Variants in ASIC2 observed in about 807,000 individuals in gnomAD.
The protein encoded by ASIC2 is acid-sensing ion channel 2.
In ASIC2, 25 loss-of-function variants were observed where a neutral mutation model predicts 57.3. The observed-to-expected ratio is 0.44, with a 90% CI of 0.32 to 0.61. The LOEUF (loss-of-function observed/expected upper bound fraction) is 0.61, where lower values mean the gene tolerates loss of function less well. ASIC2 is among the 20% of genes least tolerant of loss of function. The pLI, the probability that ASIC2 is intolerant of heterozygous loss-of-function variation, is 0.06. For missense variants in ASIC2, 641 were observed against 738.1 expected, an observed-to-expected ratio of 0.87 and a Z score of 1.52; for synonymous variants, 319 against 307.5, an observed-to-expected ratio of 1.04 and a Z score of -0.39.
rs146744566 is a variant in ASIC2 at position 34,049,362 on chromosome 17, G to C, written c.555+106616C>G. Among the ~76,000 whole-genome samples the C allele has an allele frequency of 7.3e-3, 1,109 of 152,244 alleles. 14 individuals are homozygous for C. Among genetic ancestry groups the C allele is most frequent in the African/African-American group, 0.025 (1,040 of 41,544 alleles). On this transcript the variant is annotated intron_variant, in intron 1 of 9. Coordinates refer to the ASIC2 transcript ENST00000359872. ...GTCCTGGAAGGGGAAACTCCAGGAT[G>C]GTAGAAGAGCCCTCCTGAGTTGAAC...
upstream of ASIC2, among the ~76,000 whole-genome samples, chr17:33,298,204 G>A (rs1905800980): frequency 6.6e-6 from 1 of 152,026 alleles, no homozygotes; most frequent in African/African-American, 2.4e-5. Flanking sequence ...CCATGTTGGT[G>A]TGCTGCACCC....
At chr17:33,865,748 T>TA (rs763976115) in intron 1 of ASIC2, among the ~76,000 whole-genome samples, 8 of 52,380 alleles carry the variant, frequency 1.5e-4, no homozygotes, top group South Asian at 5.4e-4. Context: ...TAGAGTATAA[T>TA]AAAAAAAAAA....
intron 1 of ASIC2, among the ~76,000 whole-genome samples, chr17:33,906,994 G>A (rs1226461059): frequency 2.0e-5 from 3 of 152,084 alleles, no homozygotes; most frequent in Non-Finnish European, 2.9e-5. Context: ...GCTGAAAGAT[G>A]CTCTTTTGGG....
At chr17:33,354,121 A>C (rs1908288589) in intron 1 of ASIC2, among the ~76,000 whole-genome samples, 1 of 152,184 alleles carries the variant, frequency 6.6e-6, no homozygotes, top group African/African-American at 2.4e-5. Flanking sequence ...TATCATGAGA[A>C]CATCATGGAA....
At chr17:33,257,013 G>C (rs1264839911) in intron 1 of ASIC2, among the ~76,000 whole-genome samples, 1 of 152,226 alleles carries the variant, frequency 6.6e-6, no homozygotes, top group African/African-American at 2.4e-5. Flanking sequence ...TGCAGGTGCA[G>C]AGATGGTGGA....
rs531950529 is a variant in ASIC2, at chr17:34,146,422, G to A, written c.555+9556C>T. On this transcript the variant is annotated intron_variant, in intron 1 of 9. Coordinates refer to the ASIC2 transcript ENST00000359872. ...CTGAGATGGCACACCTTCTACAGGT[G>A]ATTTATTGAGGGAGTGTTCTCATAA... is the stretch of plus-strand genomic sequence containing the variant. 2.6e-5 allele frequency among the ~76,000 whole-genome samples: 4 copies of A among 152,294 alleles called. No individual in the cohort carries two copies. The South Asian group carries it at 8.3e-4, about 32-fold the overall frequency.
rs78099599 is a variant in ASIC2 at position 33,639,702 on chromosome 17, G to C, written c.555+516276C>G. 5.1e-3 allele frequency among the ~76,000 whole-genome samples: 774 copies of C among 150,786 alleles called. 22 individuals carry two copies. Among genetic ancestry groups the C allele is most frequent in the East Asian group, 0.047 (239 of 5,072 alleles). On this transcript the variant is annotated intron_variant, in intron 1 of 9. Transcript: ENST00000359872. ...GGAAGTGACTCTTCTCACCAAAAGGGGTGGCATAAAAATCTTCCCTTTGCC... is the reference window on the plus strand; with the variant it reads ...GGAAGTGACTCTTCTCACCAAAAGGCGTGGCATAAAAATCTTCCCTTTGCC...
At chr17:33,614,383 C>A (rs1207427572) in intron 1 of ASIC2, among the ~76,000 whole-genome samples, 1 of 152,162 alleles carries the variant, frequency 6.6e-6, no homozygotes, top group African/African-American at 2.4e-5. Flanking sequence ...TGATTGCTTA[C>A]CTGGTGGGTT....
At chr17:33,402,115 C>T (rs1055712789) in intron 1 of ASIC2, among the ~76,000 whole-genome samples, 3 of 152,132 alleles carry the variant, frequency 2.0e-5, no homozygotes, top group Non-Finnish European at 4.4e-5. Context: ...TTGCAAGCCT[C>T]AAGCCCACTG....
intron 1 of ASIC2, among the ~76,000 whole-genome samples, chr17:33,814,598 T>G (rs1189528527): frequency 6.6e-6 from 1 of 152,236 alleles, no homozygotes; most frequent in Non-Finnish European, 1.5e-5. Context: ...CTACATTGGG[T>G]GTACAAGTGG....
chr17:33,368,312 C>T (rs1908901898), intron 1 of ASIC2, among the ~76,000 whole-genome samples: 1 of 152,182 alleles, frequency 6.6e-6, no homozygotes, highest in African/African-American at 2.4e-5. Context: ...AGAGAGGCCA[C>T]ATGGAGACAG....
intron 1 of ASIC2, among the ~76,000 whole-genome samples, chr17:33,146,944 T>C (rs561897730): frequency 1.3e-5 from 2 of 152,342 alleles, no homozygotes; most frequent in Admixed American, 1.3e-4. Flanking sequence ...CTAATGTCAA[T>C]CAACGGGTCA....
chr17:33,935,481 C>T (rs80091915), intron 1 of ASIC2: 1 of 152,100 alleles, frequency 6.6e-6, no homozygotes, highest in East Asian at 1.9e-4. Context: ...ATGAATACAA[C>T]CAGCAATAGC....
At chr17:34,060,553 G>A (rs1225156936) in intron 1 of ASIC2, among the ~76,000 whole-genome samples, 4 of 152,046 alleles carry the variant, frequency 2.6e-5, no homozygotes, top group African/African-American at 9.7e-5. Context: ...TAATCAGGAA[G>A]GGACCAGAGA....
chr17:34,090,540 C>T (rs1910295062), intron 1 of ASIC2, among the ~76,000 whole-genome samples: 1 of 152,188 alleles, frequency 6.6e-6, no homozygotes, highest in African/African-American at 2.4e-5. Context: ...ATTATTCAGC[C>T]TTCCCTCCAT....
chr17:33,419,075 C>T, intron 1 of ASIC2, among the ~76,000 whole-genome samples: 1 of 152,162 alleles, frequency 6.6e-6, no homozygotes, highest in Non-Finnish European at 1.5e-5. Context: ...ATGTCCTACA[C>T]ATGTACCCCA....
chr17:33,941,071 G>A (rs1916181826), intron 1 of ASIC2, among the ~76,000 whole-genome samples: 1 of 152,218 alleles, frequency 6.6e-6, no homozygotes, highest in South Asian at 2.1e-4. Flanking sequence ...CCTGGATGTT[G>A]TGCAGAGTGG....
At chr17:33,791,347 T>C (rs16968896) in intron 1 of ASIC2, among the ~76,000 whole-genome samples, 6,449 of 152,212 alleles carry the variant, frequency 0.042, 173 homozygotes, top group Middle Eastern at 0.092. Flanking sequence ...CCTGCAGAGA[T>C]ATGGAGAAGC....
intron 1 of ASIC2, among the ~76,000 whole-genome samples, chr17:33,506,865 A>G (rs1157532589): frequency 6.6e-6 from 1 of 152,228 alleles, no homozygotes; most frequent in African/African-American, 2.4e-5. Context: ...GCACTTGGTT[A>G]TCGTGGTTGG....
Sources: allele counts gnomAD v4.1 joint callset (sites outside exome capture counted in the v4.1 genomes callset), GRCh38; gene constraint gnomAD v4.1.1; transcripts MANE v1.5; gene names NCBI Gene and HGNC (gene_info 2026-07-23, HGNC 2026-07-21).